Variants in NBAS observed in about 807,000 individuals in gnomAD.
NBAS encodes NAG/BC035112 fusion.
In NBAS, 219 loss-of-function variants were observed where a neutral mutation model predicts 302.5. The observed-to-expected ratio is 0.72, with a 90% CI of 0.65 to 0.81. The LOEUF is 0.81. Among genes scored for constraint, NBAS ranks in the 30% least tolerant of loss-of-function variants. NBAS has a pLI of 0.00. For synonymous variants in NBAS, 1,118 were observed against 1,021.6 expected (o/e 1.09, Z -1.80); for missense variants, 2,932 against 2,841.6 (o/e 1.03, Z -0.72).
At chr2:14,856,129 A>G in the NBAS span, among the ~76,000 whole-genome samples, 1 of 152,176 alleles carries the variant, frequency 6.6e-6, no homozygotes, top group African/African-American at 2.4e-5. Context: ...GAAGAAAGTA[A>G]GGGGAGGGAA....
Position 15,467,780 on chromosome 2 carries a change from G to C in NBAS, c.1902C>G (p.Asp634Glu), listed in dbSNP as rs751342169. The C allele has an allele frequency of 6.3e-7, 1 of 1,592,808 alleles. No individual in the cohort carries two copies. The highest frequency in any genetic ancestry group is 1.7e-5 in the Admixed American group (1 of 59,854). The stretch of plus-strand genomic sequence containing the variant: ...GCTCTTCATAGGAGATACTGTCAAT[G>C]TCTATTTCACCAGGTAATGTAAATC... Reference protein sequence around the residue: ...DGRFTLPGEIDIDSISYEELS... With the variant: ...DGRFTLPGEIEIDSISYEELS... The change falls in exon 18 of 52, where the codon GAC (aspartate) becomes GAG (glutamate). Residue 634 changes from aspartate (D) to glutamate (E), a missense_variant. Physicochemically the swap from Asp to Glu is conservative, Grantham distance 45. Transcript: ENST00000281513.
At chr2:15,103,996 G>A in the NBAS span, among the ~76,000 whole-genome samples, 1 of 152,152 alleles carries the variant, frequency 6.6e-6, no homozygotes, top group Non-Finnish European at 1.5e-5. Context: ...GAATAGAGGT[G>A]ATATGGTTTG....
At chr2:14,798,980 A>T in the NBAS span, among the ~76,000 whole-genome samples, 1 of 152,112 alleles carries the variant, frequency 6.6e-6, no homozygotes, top group Admixed American at 6.5e-5. Flanking sequence ...GAAGTTTATA[A>T]ATGCTGTAAT....
chr2:14,822,734 C>A, the NBAS span, among the ~76,000 whole-genome samples: 1 of 152,172 alleles, frequency 6.6e-6, no homozygotes. Flanking sequence ...AGGCAATGGA[C>A]ATTTTAAGGA....
At chr2:15,506,260 T>C (rs1361230926) in intron 10 of NBAS, among the ~76,000 whole-genome samples, 1 of 149,462 alleles carries the variant, frequency 6.7e-6, no homozygotes, top group Non-Finnish European at 1.5e-5. Flanking sequence ...ATGGAAAAAA[T>C]AGAAATAGAA....
At chr2:15,127,673 C>G in the NBAS span, among the ~76,000 whole-genome samples, 1 of 152,204 alleles carries the variant, frequency 6.6e-6, no homozygotes, top group Non-Finnish European at 1.5e-5. Flanking sequence ...CTTTTAATCA[C>G]TCACGCCTAC....
rs1158992914 is a variant in NBAS, at chr2:15,451,257, G to A, written c.2339+9944C>T. ...TGTAGAGACAGCGTCTTACTACATT[G>A]CCCAGCTAGTCTCAAATACCTACCC... is the stretch of plus-strand genomic sequence containing the variant. On this transcript the variant is annotated intron_variant, in intron 21 of 51. Coordinates refer to ENST00000281513, the MANE Select transcript of NBAS (RefSeq NM_015909.4). 2.0e-5 allele frequency among the ~76,000 whole-genome samples: 3 copies of A among 151,914 alleles called. No homozygotes were observed. The East Asian group carries it at 5.8e-4, about 29-fold the overall frequency.
In NBAS at chr2:15,254,510, G is replaced by C. The variant is rs141991198; in HGVS notation, c.5725-15824C>G. Among the ~76,000 whole-genome samples the C allele has an allele frequency of 2.5e-3, 374 of 152,250 alleles. 2 individuals are homozygous for C. Among genetic ancestry groups the C allele is most frequent in the African/African-American group, 8.7e-3 (363 of 41,538 alleles). Reference sequence around the variant, plus strand: ...ACAAACTTCTTCTTGCATGTCACAAGGTTCCCAGTGCTTTGCTTTCTTTTT... The same window carrying C: ...ACAAACTTCTTCTTGCATGTCACAACGTTCCCAGTGCTTTGCTTTCTTTTT... On this transcript the variant is annotated intron_variant, in intron 44 of 51. Transcript: ENST00000281513.
chr2:14,893,268 C>T, the NBAS span, among the ~76,000 whole-genome samples: 1 of 152,064 alleles, frequency 6.6e-6, no homozygotes, highest in Non-Finnish European at 1.5e-5. Context: ...TTTTTGAAGA[C>T]CATGATCTAA....
intron 30 of NBAS, 108 bp from the exon 31 acceptor site, chr2:15,374,828 G>C: frequency 1.1e-6 from 1 of 951,316 alleles, no homozygotes; most frequent in Non-Finnish European, 1.7e-6. Context: ...CCACATCCCA[G>C]GAATTCATTC....
chr2:15,460,650 T>G (rs1679464493), intron 21 of NBAS, among the ~76,000 whole-genome samples: 1 of 152,242 alleles, frequency 6.6e-6, no homozygotes, highest in African/African-American at 2.4e-5. Flanking sequence ...AGGGACTCAA[T>G]GGTTCCAACA....
At chr2:15,403,864 C>CATGTGT (rs1553305901) in intron 25 of NBAS, among the ~76,000 whole-genome samples, 4 of 135,412 alleles carry the variant, frequency 3.0e-5, no homozygotes, top group Non-Finnish European at 4.6e-5. Context: ...TTCCTTCCTT[C>CATGTGT]GTGTGTGTGT....
chr2:14,879,939 C>T, the NBAS span, among the ~76,000 whole-genome samples: 2 of 151,992 alleles, frequency 1.3e-5, no homozygotes, highest in Non-Finnish European at 2.9e-5. Context: ...GGTAGACTAG[C>T]AATTGGAGAA....
At chr2:15,190,543 C>T (rs1317504060) in intron 48 of NBAS, 140 bp from the exon 49 acceptor site, 4 of 968,866 alleles carry the variant, frequency 4.1e-6, no homozygotes, top group African/African-American at 3.3e-5. Flanking sequence ...AAAACAACCA[C>T]CTCAAAAGCT....
At chr2:14,840,082 T>C in the NBAS span, among the ~76,000 whole-genome samples, 2 of 151,842 alleles carry the variant, frequency 1.3e-5, no homozygotes, top group African/African-American at 4.8e-5. Flanking sequence ...AACAAGAGAT[T>C]GAAATAAATT....
the NBAS span, among the ~76,000 whole-genome samples, chr2:15,009,953 T>G: frequency 6.6e-6 from 1 of 152,070 alleles, no homozygotes; most frequent in East Asian, 1.9e-4. Flanking sequence ...GAGAGGGAGA[T>G]TTTATGTTTT....
At chr2:15,497,414 TG>T (rs1199518049) in intron 11 of NBAS, among the ~76,000 whole-genome samples, 5 of 152,122 alleles carry the variant, frequency 3.3e-5, no homozygotes, top group Non-Finnish European at 7.3e-5. Context: ...ACTCTGAAGA[TG>T]ATACTGGTAG....
the NBAS span, among the ~76,000 whole-genome samples, chr2:15,079,716 C>A: frequency 6.6e-6 from 1 of 152,164 alleles, no homozygotes; most frequent in Non-Finnish European, 1.5e-5. Context: ...CTTTCCTCCC[C>A]TGGGTTTCTG....
chr2:15,397,512 C>T, intron 26 of NBAS: 1 of 596,210 alleles, frequency 1.7e-6, no homozygotes, highest in East Asian at 4.4e-5. Context: ...TCCTTGCAGG[C>T]TTCATGATAT....
Sources: allele counts gnomAD v4.1 joint callset (sites outside exome capture counted in the v4.1 genomes callset), GRCh38; gene constraint gnomAD v4.1.1; transcripts MANE v1.5; gene names NCBI Gene and HGNC (gene_info 2026-07-23, HGNC 2026-07-21).